Variants in CA10 observed in about 807,000 individuals in gnomAD.
CA10 encodes carbonic anhydrase 10 (inactive), also known as carbonic anhydrase-related protein 10.
Under a neutral mutation model 44.2 loss-of-function variants are expected in CA10, and 14 were observed. The observed-to-expected ratio is 0.32, with a 90% CI of 0.21 to 0.50. The LOEUF (loss-of-function observed/expected upper bound fraction) is 0.50, where lower values mean the gene tolerates loss of function less well. Among genes scored for constraint, CA10 ranks in the 20% least tolerant of loss-of-function variants. The pLI, the probability that CA10 is intolerant of heterozygous loss-of-function variation, is 0.99. For synonymous variants in CA10, 159 were observed against 141.6 expected (o/e 1.12, Z -0.87); for missense variants, 350 against 409.7 (o/e 0.85, Z 1.26).
intron 2 of CA10, among the ~76,000 whole-genome samples, chr17:52,012,168 A>G (rs892759344): frequency 2.0e-5 from 3 of 152,048 alleles, no homozygotes; most frequent in Non-Finnish European, 4.4e-5. Flanking sequence ...GATTATCTTG[A>G]TATTACAGAT....
chr17:52,142,830 C>T (rs1308101198), intron 1 of CA10, among the ~76,000 whole-genome samples: 1 of 152,124 alleles, frequency 6.6e-6, no homozygotes, highest in Non-Finnish European at 1.5e-5. Context: ...AAACTGAGAT[C>T]CATAAGAAGT....
chr17:51,986,491 A>T (rs1984840553), intron 2 of CA10, among the ~76,000 whole-genome samples: 1 of 151,830 alleles, frequency 6.6e-6, no homozygotes, highest in Non-Finnish European at 1.5e-5. Context: ...CAAGAAAAGA[A>T]AAAAACAATG....
At chr17:51,771,469 G>A (rs542389973) in intron 3 of CA10, among the ~76,000 whole-genome samples, 52 of 152,288 alleles carry the variant, frequency 3.4e-4, no homozygotes, top group South Asian at 2.7e-3. Flanking sequence ...TCACCTCCCA[G>A]AATTAAGACA....
intron 2 of CA10, among the ~76,000 whole-genome samples, chr17:52,047,726 T>A (rs1253768769): frequency 1.3e-5 from 2 of 152,074 alleles, no homozygotes; most frequent in East Asian, 2.0e-4. Flanking sequence ...ATATAAAAAA[T>A]TTAATAATAC....
intron 4 of CA10, among the ~76,000 whole-genome samples, chr17:51,744,182 G>A (rs1904574518): frequency 6.6e-6 from 1 of 152,014 alleles, no homozygotes; most frequent in Non-Finnish European, 1.5e-5. Flanking sequence ...AGGTGTGGTG[G>A]TGCACACCTG....
At chr17:51,874,591 A>G (rs759795076) in intron 3 of CA10, among the ~76,000 whole-genome samples, 7 of 152,192 alleles carry the variant, frequency 4.6e-5, no homozygotes, top group Non-Finnish European at 8.8e-5. Context: ...TGACCTCATT[A>G]TTAACGTGGT....
At chr17:51,836,393 G>A (rs1351685834) in intron 3 of CA10, among the ~76,000 whole-genome samples, 2 of 152,204 alleles carry the variant, frequency 1.3e-5, no homozygotes. Flanking sequence ...TTTGAGAAAG[G>A]TAGCAGGACC....
chr17:52,094,392 T>G (rs775543099), intron 1 of CA10, among the ~76,000 whole-genome samples: 1 of 151,444 alleles, frequency 6.6e-6, no homozygotes, highest in Non-Finnish European at 1.5e-5. Context: ...TACATAGGAA[T>G]GTATCGTCAG....
chr17:52,081,833 G>A (rs1416705537), intron 1 of CA10, among the ~76,000 whole-genome samples: 4 of 149,856 alleles, frequency 2.7e-5, no homozygotes, highest in African/African-American at 9.8e-5. Context: ...TTTAGATGAA[G>A]CATGGATAAG....
intron 3 of CA10, among the ~76,000 whole-genome samples, chr17:51,899,427 T>C (rs1324216683): frequency 6.6e-6 from 1 of 152,138 alleles, no homozygotes; most frequent in Non-Finnish European, 1.5e-5. Flanking sequence ...GTGTGGTTGG[T>C]AACATATATT....
chr17:51,943,212 C>A (rs1415170448), intron 2 of CA10, among the ~76,000 whole-genome samples: 1 of 152,180 alleles, frequency 6.6e-6, no homozygotes, highest in Non-Finnish European at 1.5e-5. Context: ...ATTAAGTCAT[C>A]CTTTACTATT....
chr17:51,818,013 A>T (rs910778396), intron 3 of CA10, among the ~76,000 whole-genome samples: 1 of 152,224 alleles, frequency 6.6e-6, no homozygotes, highest in African/African-American at 2.4e-5. Context: ...TAGTATCATC[A>T]TCTGACTGCC....
intron 3 of CA10, among the ~76,000 whole-genome samples, chr17:51,771,076 A>G (rs1287599386): frequency 7.2e-6 from 1 of 137,960 alleles, no homozygotes; most frequent in Non-Finnish European, 1.5e-5. Context: ...GTGAGCTGAG[A>G]TCGTACCACT....
intron 1 of CA10, among the ~76,000 whole-genome samples, chr17:52,103,801 C>T (rs1452272290): frequency 3.9e-5 from 6 of 152,174 alleles, no homozygotes; most frequent in African/African-American, 4.8e-5. Flanking sequence ...TTCTCCTTAC[C>T]GCAAGAGGCA....
intron 3 of CA10, among the ~76,000 whole-genome samples, chr17:51,799,277 T>G (rs1292256076): frequency 6.6e-6 from 1 of 152,242 alleles, no homozygotes; most frequent in Non-Finnish European, 1.5e-5. Flanking sequence ...AAACCCCCAG[T>G]GGCAGATAAC....
At chr17:51,994,999 C>A (rs1038155912) in intron 2 of CA10, among the ~76,000 whole-genome samples, 10 of 151,956 alleles carry the variant, frequency 6.6e-5, no homozygotes, top group Non-Finnish European at 1.5e-4. Context: ...ACCAATTTTC[C>A]TTTTCTATAG....
chr17:52,023,941 A>T (rs1448762151), intron 2 of CA10, among the ~76,000 whole-genome samples: 1 of 151,986 alleles, frequency 6.6e-6, no homozygotes, highest in Non-Finnish European at 1.5e-5. Flanking sequence ...TGTTTTACCT[A>T]TGTGTAGTTT....
At chr17:52,085,346 GATT>G (rs1320357404) in intron 1 of CA10, among the ~76,000 whole-genome samples, 1 of 152,184 alleles carries the variant, frequency 6.6e-6, no homozygotes, top group African/African-American at 2.4e-5. Context: ...CCTCCTGCAT[GATT>G]ATGTTTCCTG....
intron 1 of CA10, among the ~76,000 whole-genome samples, chr17:52,144,884 G>A (rs995061731): frequency 3.9e-5 from 6 of 151,902 alleles, no homozygotes; most frequent in East Asian, 1.9e-4. Flanking sequence ...TTTCAAGCCC[G>A]CTTAACTCCA....
Sources: allele counts gnomAD v4.1 joint callset (sites outside exome capture counted in the v4.1 genomes callset), GRCh38; gene constraint gnomAD v4.1.1; transcripts MANE v1.5; gene names NCBI Gene and HGNC (gene_info 2026-07-23, HGNC 2026-07-21).